The following COBL variants were observed in gnomAD, a reference collection of about 807,000 sequenced individuals.
The protein encoded by COBL is cordon-bleu WH2 repeat protein.
COBL carries 51 observed loss-of-function variants against 98.8 expected under a neutral mutation model. The observed-to-expected ratio is 0.52, with a 90% CI of 0.41 to 0.65. COBL has a LOEUF of 0.65. COBL is among the 30% of genes least tolerant of loss of function. The pLI is 0.00. For missense variants in COBL, 1,617 were observed against 1,617.5 expected (o/e 1.00, Z 0.01); for synonymous variants, 634 against 651.7 (o/e 0.97, Z 0.41).
chr7:51,197,514 T>C (rs1790708919), intron 2 of COBL, among the ~76,000 whole-genome samples: 3 of 152,224 alleles, frequency 2.0e-5, no homozygotes, highest in Admixed American at 2.0e-4. Flanking sequence ...TGAAAAGTTC[T>C]GTAGCTGTCT....
chr7:51,141,743 G>A (rs1328524432), intron 5 of COBL, among the ~76,000 whole-genome samples: 1 of 151,926 alleles, frequency 6.6e-6, no homozygotes, highest in Non-Finnish European at 1.5e-5. Flanking sequence ...CAGGACTCAA[G>A]GCAGAACAAT....
intron 6 of COBL, among the ~76,000 whole-genome samples, chr7:51,127,931 C>T (rs566562647): frequency 1.3e-5 from 2 of 152,264 alleles, no homozygotes; most frequent in African/African-American, 4.8e-5. Context: ...AGTGCTCCCA[C>T]GGTATTCCAG....
intron 6 of COBL, among the ~76,000 whole-genome samples, chr7:51,128,094 T>A (rs766956997): frequency 1.1e-4 from 17 of 152,232 alleles, no homozygotes; most frequent in Non-Finnish European, 4.4e-5. Flanking sequence ...CCCACCTTGA[T>A]GGCGACACCT....
At chr7:51,183,852 T>A (rs1213943161) in intron 5 of COBL, among the ~76,000 whole-genome samples, 1 of 152,248 alleles carries the variant, frequency 6.6e-6, no homozygotes, top group Admixed American at 6.5e-5. Context: ...GCCCCGGTCA[T>A]CAGGAGCCCA....
At chr7:51,271,494 T>G (rs577566216) in intron 1 of COBL, among the ~76,000 whole-genome samples, 1 of 152,350 alleles carries the variant, frequency 6.6e-6, no homozygotes, top group Non-Finnish European at 1.5e-5. Context: ...ATCCCACTAG[T>G]TAATTTTACA....
intron 8 of COBL, chr7:51,035,387 G>C (rs1562824939): frequency 6.6e-6 from 1 of 151,734 alleles, no homozygotes; most frequent in East Asian, 1.9e-4. Flanking sequence ...AGTCTGAGAG[G>C]AGAGAGATGT....
chr7:51,053,329 G>C lies in COBL; in HGVS notation c.1097-9637C>G, dbSNP rs1419320768. Among the ~76,000 whole-genome samples, 9 of 152,270 alleles carry C rather than the reference G, an allele frequency of 5.9e-5. No homozygotes were observed. The East Asian group carries it at 1.7e-3, about 29-fold the overall frequency. On this transcript the variant is annotated intron_variant, in intron 7 of 12. Coordinates refer to ENST00000265136, the MANE Select transcript of COBL (RefSeq NM_015198.5). ...AAGGAGTCAGACCATCCTCTTGCCTGACAGGCAGATGGCATCTTCTGGGCA... is the reference window on the plus strand; with the variant it reads ...AAGGAGTCAGACCATCCTCTTGCCTCACAGGCAGATGGCATCTTCTGGGCA...
chr7:51,033,668 G>T (rs1052603241), intron 8 of COBL: 3 of 152,234 alleles, frequency 2.0e-5, no homozygotes, highest in African/African-American at 7.2e-5. Flanking sequence ...AACTGTGCTT[G>T]GTTGAGTTCA....
chr7:51,228,370 C>T (rs992050369), intron 1 of COBL, among the ~76,000 whole-genome samples: 69 of 150,330 alleles, frequency 4.6e-4, no homozygotes, highest in African/African-American at 1.7e-3. Flanking sequence ...AATTTTTTTA[C>T]TATTATTATT....
At position 51,140,883 on chromosome 7, in the gene COBL, C is replaced by T. The variant is rs184975347; in HGVS notation, c.784-4552G>A. Among the ~76,000 whole-genome samples the T allele has an allele frequency of 7.9e-5, 12 of 152,306 alleles. No individual in the cohort carries two copies. In the East Asian group the frequency reaches 1.7e-3, roughly 22 times the overall value. On this transcript the variant is annotated intron_variant, in intron 5 of 12. Coordinates refer to ENST00000265136, the MANE Select transcript of COBL (RefSeq NM_015198.5). Reference sequence around the variant, plus strand: ...CAGACAAGAAGCTGAGCATGTTCAACGTAAACATCCCTATTTCGAGTCAGC... The same window carrying T: ...CAGACAAGAAGCTGAGCATGTTCAATGTAAACATCCCTATTTCGAGTCAGC...
At chr7:51,021,704 A>G (rs973973565) in intron 12 of COBL, among the ~76,000 whole-genome samples, 2 of 152,252 alleles carry the variant, frequency 1.3e-5, no homozygotes, top group East Asian at 1.9e-4. Flanking sequence ...TGATGTTCGC[A>G]TGCCATAATA....
chr7:51,279,716 C>T (rs747992213), intron 1 of COBL, among the ~76,000 whole-genome samples: 6 of 152,188 alleles, frequency 3.9e-5, no homozygotes, highest in East Asian at 1.9e-4. Flanking sequence ...TACAATGACA[C>T]GTATTCATCA....
At chr7:51,119,381 C>T (rs1797551274) in intron 6 of COBL, among the ~76,000 whole-genome samples, 1 of 152,134 alleles carries the variant, frequency 6.6e-6, no homozygotes. Flanking sequence ...CCTCTAAGAA[C>T]CAAGGGAACC....
At chr7:51,173,345 T>C (rs111341373) in intron 5 of COBL, among the ~76,000 whole-genome samples, 7,785 of 151,732 alleles carry the variant, frequency 0.051, 280 homozygotes, top group Middle Eastern at 0.14. Flanking sequence ...CACACCAGGA[T>C]AAATTTTTTT....
chr7:51,148,857 G>A (rs1005293573), intron 5 of COBL, among the ~76,000 whole-genome samples: 3 of 133,818 alleles, frequency 2.2e-5, no homozygotes, highest in African/African-American at 7.3e-5. Flanking sequence ...ACTGCTCCAG[G>A]CATCCCCAAC....
intron 1 of COBL, among the ~76,000 whole-genome samples, chr7:51,239,075 C>A (rs948218366): frequency 6.6e-6 from 1 of 152,170 alleles, no homozygotes; most frequent in Non-Finnish European, 1.5e-5. Context: ...CTACTGATTT[C>A]ACTGTTATCT....
intron 6 of COBL, among the ~76,000 whole-genome samples, chr7:51,093,899 G>GA (rs949012629): frequency 1.3e-3 from 138 of 109,562 alleles, no homozygotes; most frequent in Middle Eastern, 5.5e-3. Flanking sequence ...GACACCAAAA[G>GA]AAAAAAAAAA....
intron 12 of COBL, among the ~76,000 whole-genome samples, chr7:51,020,019 G>C (rs1018911312): frequency 1.3e-5 from 2 of 152,162 alleles, no homozygotes; most frequent in Non-Finnish European, 2.9e-5. Flanking sequence ...GTGTCATGAC[G>C]CGTGTGGCCC....
chr7:51,064,454 T>C (rs1411399962), intron 7 of COBL: 3 of 152,170 alleles, frequency 2.0e-5, no homozygotes, highest in African/African-American at 7.2e-5. Flanking sequence ...ACAACTTAAA[T>C]GTCCACTGAC....
Sources: gnomAD v4.1 joint callset for allele counts (sites outside exome capture counted in the v4.1 genomes callset) on GRCh38, gnomAD v4.1.1 for gene constraint, MANE v1.5 for transcripts, NCBI Gene and HGNC (gene_info 2026-07-23, HGNC 2026-07-21) for gene names.